Variants in ARHGAP20 observed in about 807,000 individuals in gnomAD.
ARHGAP20 encodes the protein rho GTPase-activating protein 20.
A neutral mutation model predicts 73.7 loss-of-function variants in ARHGAP20; 34 were observed. That is an observed-to-expected ratio of 0.46 (90% confidence interval 0.35 to 0.61). The LOEUF (loss-of-function observed/expected upper bound fraction) is 0.61. Ranked by LOEUF, ARHGAP20 falls within the 20% of genes least tolerant of loss-of-function variation. The probability of loss-of-function intolerance (pLI) is 0.00; values close to 1 mark genes in which losing one functional copy is unlikely to be tolerated. For missense variants in ARHGAP20, 1,314 were observed against 1,420.9 expected, an observed-to-expected ratio of 0.92 and a Z score of 1.21; for synonymous variants, 523 against 518.2, an observed-to-expected ratio of 1.01 and a Z score of -0.13.
At chr11:110,679,504 T>C (rs1949996621) in intron 2 of ARHGAP20, among the ~76,000 whole-genome samples, 1 of 152,208 alleles carries the variant, frequency 6.6e-6, no homozygotes, top group Non-Finnish European at 1.5e-5. Flanking sequence ...TCCTCAACAG[T>C]GTGACAGACA....
chr11:110,652,990 T>C (rs1949388835), intron 2 of ARHGAP20, among the ~76,000 whole-genome samples: 1 of 152,160 alleles, frequency 6.6e-6, no homozygotes, highest in South Asian at 2.1e-4. Context: ...GTTTGATAAA[T>C]GGTGCTGGGA....
intron 2 of ARHGAP20, among the ~76,000 whole-genome samples, chr11:110,650,291 A>G (rs956885646): frequency 9.8e-5 from 15 of 152,300 alleles, no homozygotes; most frequent in East Asian, 7.7e-4. Context: ...CAGAGGATTC[A>G]AATGTTGCAG....
At chr11:110,584,974 T>TATGA (rs1224371958) in intron 12 of ARHGAP20, among the ~76,000 whole-genome samples, 77 of 63,108 alleles carry the variant, frequency 1.2e-3, no homozygotes, top group African/African-American at 2.9e-3. Flanking sequence ...AATATATGAA[T>TATGA]ATATATGTGA....
chr11:110,628,670 C>T (rs996541981), intron 3 of ARHGAP20, among the ~76,000 whole-genome samples: 1 of 152,120 alleles, frequency 6.6e-6, no homozygotes, highest in Non-Finnish European at 1.5e-5. Context: ...ATAATTTGAA[C>T]CTCTTAAATA....
At chr11:110,627,692 A>C (rs766492728) in intron 3 of ARHGAP20, among the ~76,000 whole-genome samples, 1 of 152,226 alleles carries the variant, frequency 6.6e-6, no homozygotes, top group Non-Finnish European at 1.5e-5. Flanking sequence ...ATTCTCATAA[A>C]ATATGATAAT....
At position 110,581,215 on chromosome 11, in the gene ARHGAP20, G is replaced by GCAAGAAATATC. The variant is rs1488963462; in HGVS notation, c.1721-1_1730dup (p.Cys577TrpfsTer8). On this transcript the variant is annotated frameshift_variant, in exon 15 of 15. Transcript: ENST00000683387. LOFTEE classifies it low-confidence loss of function (END_TRUNC). The stretch of plus-strand genomic sequence containing the variant: ...CATAGGAGGAGTCATTCAGTTGAAA[G>GCAAGAAATATC]CAAGAAATATCTGTCAAAAAAATTA... The GCAAGAAATATC allele has an allele frequency of 3.7e-6, 6 of 1,604,318 alleles. No individual in the cohort carries two copies. Among genetic ancestry groups the GCAAGAAATATC allele is most frequent in the Non-Finnish European group, 5.1e-6 (6 of 1,174,850 alleles).
chr11:110,616,809 AT>A (rs902299536), intron 4 of ARHGAP20, among the ~76,000 whole-genome samples: 8 of 150,922 alleles, frequency 5.3e-5, no homozygotes, highest in African/African-American at 1.7e-4. Context: ...TCTTGGATTT[AT>A]TTAGCAAAAA....
At chr11:110,626,983 A>G (rs1480123702) in intron 3 of ARHGAP20, among the ~76,000 whole-genome samples, 2 of 152,184 alleles carry the variant, frequency 1.3e-5, no homozygotes, top group African/African-American at 4.8e-5. Flanking sequence ...TGCTAATTTA[A>G]TGTGAACCGG....
Position 110,606,625 on chromosome 11 carries a change from G to T in ARHGAP20, c.900C>A (p.Pro300=), listed in dbSNP as rs1180844438. 1 of 1,612,900 alleles carries T rather than the reference G, an allele frequency of 6.2e-7. No individual in the cohort carries two copies. The highest frequency in any genetic ancestry group is 8.5e-7 in the Non-Finnish European group (1 of 1,179,660). The part of the protein sequence containing the change: ...LQEPFLMEQL[P]REMQCQFILK... ...GGATGAACTGGCACTGCATCTCTCG[G>T]GGGAGCTGTTCCATAAGGAAGGGCT... The change falls in exon 9 of 15, where the codon CCC becomes CCA. Residue 300 remains proline (P), a synonymous_variant. Coordinates refer to ENST00000683387, the MANE Select transcript of ARHGAP20 (RefSeq NM_001384657.1).
chr11:110,685,777 A>T (rs1444760789), intron 2 of ARHGAP20, among the ~76,000 whole-genome samples: 1 of 152,184 alleles, frequency 6.6e-6, no homozygotes, highest in Admixed American at 6.6e-5. Flanking sequence ...GTTCTACAGC[A>T]ATGCCAAAAT....
chr11:110,633,149 T>G (rs1411124384), intron 2 of ARHGAP20, among the ~76,000 whole-genome samples: 1 of 152,206 alleles, frequency 6.6e-6, no homozygotes, highest in Admixed American at 6.5e-5. Context: ...AAATTAATTT[T>G]GCTTAATAAG....
At chr11:110,582,948 G>A (rs1947513369) in intron 13 of ARHGAP20, among the ~76,000 whole-genome samples, 1 of 152,176 alleles carries the variant, frequency 6.6e-6, no homozygotes, top group Admixed American at 6.5e-5. Flanking sequence ...AACAAGAGGT[G>A]CTTGCAGGGA....
At chr11:110,687,961 A>T (rs1349503740) in intron 2 of ARHGAP20, among the ~76,000 whole-genome samples, 1 of 152,214 alleles carries the variant, frequency 6.6e-6, no homozygotes, top group Non-Finnish European at 1.5e-5. Flanking sequence ...ACAAAGTACA[A>T]TTATCTCTTG....
chr11:110,708,664 A>G (rs1488483650), intron 1 of ARHGAP20, among the ~76,000 whole-genome samples: 1 of 152,200 alleles, frequency 6.6e-6, no homozygotes, highest in African/African-American at 2.4e-5. Flanking sequence ...TTTACAAAAA[A>G]TCTTTGGAAG....
chr11:110,712,380 T>G lies in ARHGAP20; in HGVS notation c.-149A>C. The G allele has an allele frequency of 1.4e-5, 7 of 501,270 alleles. No individual in the cohort carries two copies. The highest frequency in any genetic ancestry group is 1.9e-5 in the Non-Finnish European group (6 of 322,598). 31.1% of individuals were successfully genotyped at this position (501,270 alleles called of 1,614,324 possible). A position where few individuals can be genotyped will look rare whatever the true frequency, so the allele number is the denominator to read the frequency against. On this transcript the variant is annotated 5_prime_UTR_variant, in exon 1 of 15. Coordinates refer to ENST00000683387, the MANE Select transcript of ARHGAP20 (RefSeq NM_001384657.1). ...GAGCTCCGGGTGCTCGCCGCGCGCC[T>G]CCCGTCGGGGCCATGTACCTCCGCC...
intron 9 of ARHGAP20, among the ~76,000 whole-genome samples, chr11:110,601,981 C>CA (rs34786190): frequency 0.057 from 7,495 of 130,934 alleles, 547 homozygotes; most frequent in African/African-American, 0.17. Context: ...GACTTTTTCT[C>CA]AAAAAAAAAA....
At chr11:110,641,489 CAAT>C (rs1423225817) in intron 2 of ARHGAP20, among the ~76,000 whole-genome samples, 1 of 151,964 alleles carries the variant, frequency 6.6e-6, no homozygotes. Context: ...TAAAAGGAAA[CAAT>C]ATATGAATTA....
intron 2 of ARHGAP20, among the ~76,000 whole-genome samples, chr11:110,661,719 A>G (rs1345433170): frequency 1.3e-5 from 2 of 152,110 alleles, no homozygotes; most frequent in Non-Finnish European, 2.9e-5. Context: ...ATTTAAATTA[A>G]AAGTACTCTG....
At chr11:110,679,603 A>C (rs1949999222) in intron 2 of ARHGAP20, among the ~76,000 whole-genome samples, 1 of 152,228 alleles carries the variant, frequency 6.6e-6, no homozygotes, top group South Asian at 2.1e-4. Context: ...AAGTATGCTT[A>C]GAATAATGAA....
Sources: gnomAD v4.1 joint callset for allele counts (sites outside exome capture counted in the v4.1 genomes callset) on GRCh38, gnomAD v4.1.1 for gene constraint, MANE v1.5 for transcripts, NCBI Gene and HGNC (gene_info 2026-07-23, HGNC 2026-07-21) for gene names.